The following ZKSCAN8 variants were observed in gnomAD, a reference collection of about 807,000 sequenced individuals.
ZKSCAN8 encodes the protein zinc finger with KRAB and SCAN domains 8.
In ZKSCAN8, 27 loss-of-function variants were observed where a neutral mutation model predicts 57.2. The observed-to-expected ratio is 0.47, with a 90% confidence interval of 0.35 to 0.65. ZKSCAN8 has a LOEUF of 0.65. Ranked by LOEUF, ZKSCAN8 falls within the 30% of genes least tolerant of loss-of-function variation. The pLI is 0.01. For missense variants in ZKSCAN8, 597 were observed against 696.3 expected, an observed-to-expected ratio of 0.86 and a Z score of 1.60; for synonymous variants, 214 against 248.7, an observed-to-expected ratio of 0.86 and a Z score of 1.31.
chr6:28,158,231 A>C lies in ZKSCAN8; in HGVS notation c.*4214A>C, dbSNP rs568353257. The C allele has an allele frequency of 2.7e-5, 4 of 148,870 alleles. No homozygotes were observed. The highest frequency in any genetic ancestry group is 6.0e-5 in the Non-Finnish European group (4 of 67,056). The allele number at this position is 148,870 out of a possible 1,614,324, so 9.2% of individuals were successfully genotyped here. A position where few individuals can be genotyped will look rare whatever the true frequency, so the allele number is the denominator to read the frequency against. The stretch of plus-strand genomic sequence containing the variant: ...ATATCTGTCTTTCTTTTTTTAGTTG[A>C]TCTTTCCACCCACTCCCCTTTCTCC... On this transcript the variant is annotated 3_prime_UTR_variant, in exon 6 of 6. Transcript: ENST00000330236.
intron 1 of ZKSCAN8, among the ~76,000 whole-genome samples, chr6:28,146,139 C>A (rs568844546): frequency 1.7e-4 from 26 of 152,300 alleles, no homozygotes; most frequent in African/African-American, 5.3e-4. Flanking sequence ...GGTCTTGTTT[C>A]TAAATCTCAC....
rs1765756550 is a variant in ZKSCAN8, at chr6:28,155,570, C to T, written c.*1553C>T. 1 of 152,012 alleles carries T rather than the reference C, an allele frequency of 6.6e-6. No homozygotes were observed. The highest frequency in any genetic ancestry group is 6.5e-5 in the Admixed American group (1 of 15,276). The allele number at this position is 152,012 out of a possible 1,614,324, so 9.4% of individuals were successfully genotyped here. On this transcript the variant is annotated 3_prime_UTR_variant, in exon 6 of 6. Transcript: ENST00000330236. ...TTGGAATTGAGAAATTTTGGGCTTT[C>T]CAAAATTAACCTTTAAACTTAAAAT...
chr6:28,149,595 C>T lies in ZKSCAN8; in HGVS notation c.530C>T (p.Ser177Phe), dbSNP rs1765525548. 1 of 1,613,904 alleles carries T rather than the reference C, an allele frequency of 6.2e-7. No homozygotes were observed. Among genetic ancestry groups the T allele is most frequent in the African/African-American group, 1.3e-5 (1 of 74,860 alleles). The stretch of plus-strand genomic sequence containing the variant: ...CAATCTGAGGCAACCCAACATAAAT[C>T]TCCAGTGCCCCAAGAGTCACAAGAG... Reference protein sequence around the residue: ...QLQSEATQHKSPVPQESQERA... With the variant: ...QLQSEATQHKFPVPQESQERA... Residue 177 changes from serine to phenylalanine, a missense_variant, in exon 3 of 6, where the codon TCT becomes TTT. By Grantham distance (155) the Ser-to-Phe change is radical (BLOSUM62 -2). Coordinates refer to ENST00000330236, the MANE Select transcript of ZKSCAN8 (RefSeq NM_006298.4).
chr6:28,149,436 C>T (rs775995186), intron 2 of ZKSCAN8, 47 bp from the exon 3 acceptor site: 2 of 1,607,332 alleles, frequency 1.2e-6, no homozygotes, highest in Non-Finnish European at 8.5e-7. Flanking sequence ...TTGTTCATTA[C>T]ATTTCGCAAA....
rs1438108322 is a variant in ZKSCAN8 at position 28,153,734 on chromosome 6, C to A, written c.1454C>A (p.Thr485Asn). The A allele has an allele frequency of 1.2e-6, 2 of 1,613,808 alleles. No homozygotes were observed. The highest frequency in any genetic ancestry group is 1.1e-5 in the South Asian group (1 of 91,070). The change falls in exon 6 of 6, where the codon ACT (threonine) becomes AAT (asparagine). Residue 485 changes from threonine to asparagine, a missense_variant. Physicochemically the swap from Thr to Asn is moderately conservative, Grantham distance 65 (BLOSUM62 0). Coordinates refer to ENST00000330236, the MANE Select transcript of ZKSCAN8 (RefSeq NM_006298.4). ...CTTATTGGTCATCAGAGGAGCCACA[C>A]TGGGGAGAAACCCTACAAATGCAAT... ...SHLIGHQRSH[T>N]GEKPYKCNEC...
intron 3 of ZKSCAN8, among the ~76,000 whole-genome samples, chr6:28,151,004 C>T (rs1054805733): frequency 4.6e-5 from 7 of 152,074 alleles, no homozygotes; most frequent in Non-Finnish European, 1.5e-5. Context: ...CGAGGTTTCA[C>T]TGTGTTGGCC....
At chr6:28,152,568 C>T (rs369436364) in intron 5 of ZKSCAN8, among the ~76,000 whole-genome samples, 184 bp downstream of exon 5, 1 of 140,166 alleles carries the variant, frequency 7.1e-6, no homozygotes, top group Non-Finnish European at 1.6e-5. Flanking sequence ...CCAGAACTTC[C>T]TTACATTTTG....
Position 28,157,962 on chromosome 6 carries a change from C to T in ZKSCAN8, c.*3945C>T, listed in dbSNP as rs1765837315. 3 of 152,076 alleles carry T rather than the reference C, an allele frequency of 2.0e-5. 1 individual carries two copies. The South Asian group carries it at 6.2e-4, about 32-fold the overall frequency. 9.4% of individuals were successfully genotyped at this position (152,076 alleles called of 1,614,324 possible). On this transcript the variant is annotated 3_prime_UTR_variant, in exon 6 of 6. Transcript: ENST00000330236. ...CATTTCCAACTACCATTCTGTTTCT[C>T]CTCTATTGTTCATGGTTTTTCAAAC...
chr6:28,149,700 C>G, intron 3 of ZKSCAN8, 76 bp downstream of exon 3: 1 of 1,544,170 alleles, frequency 6.5e-7, no homozygotes, highest in East Asian at 2.3e-5. Context: ...TATCTAGTTC[C>G]TGAAGAACCA....
rs1327285131 is a variant in ZKSCAN8, at chr6:28,144,338, A to G, written c.-93+2309A>G. 2.6e-5 allele frequency: 4 copies of G among 152,286 alleles called. No individual in the cohort carries two copies. The highest frequency in any genetic ancestry group is 9.7e-5 in the African/African-American group (4 of 41,428). 9.4% of individuals were successfully genotyped at this position (152,286 alleles called of 1,614,324 possible). ...GTTCTGTGTTTTCTTTAGGTTGAAG[A>G]GTCTATAAACCAACCCCCCTCGCCC... On this transcript the variant is annotated intron_variant, in intron 1 of 5. Coordinates refer to ENST00000330236, the MANE Select transcript of ZKSCAN8 (RefSeq NM_006298.4). This position sits in a 1 kb window ranked among gnomAD's most constrained non-coding sequence, Gnocchi z 4.5.
At position 28,144,685 on chromosome 6, in the gene ZKSCAN8, T is replaced by G. The variant is rs1221247211; in HGVS notation, c.-93+2656T>G. Among the ~76,000 whole-genome samples, 1 of 152,192 alleles carries G rather than the reference T, an allele frequency of 6.6e-6. No individual in the cohort carries two copies. The highest frequency in any genetic ancestry group is 1.5e-5 in the Non-Finnish European group (1 of 68,026). On this transcript the variant is annotated intron_variant, in intron 1 of 5. Transcript: ENST00000330236. The surrounding 1 kb of genome is among the most constrained non-coding windows in gnomAD (Gnocchi z 4.5). ...ATATTTGGACCATGTTAAAAATGCTTTGGTAGGAATGACAAATGGCAGGGG... is the reference window on the plus strand; with the variant it reads ...ATATTTGGACCATGTTAAAAATGCTGTGGTAGGAATGACAAATGGCAGGGG...
rs1233555061 is a variant in ZKSCAN8 at position 28,144,652 on chromosome 6, T to C, written c.-93+2623T>C. 6.6e-6 allele frequency among the ~76,000 whole-genome samples: 1 copy of C among 152,242 alleles called. No individual in the cohort carries two copies. Among genetic ancestry groups the C allele is most frequent in the Non-Finnish European group, 1.5e-5 (1 of 68,046 alleles). On this transcript the variant is annotated intron_variant, in intron 1 of 5. Transcript: ENST00000330236. This position sits in a 1 kb window ranked among gnomAD's most constrained non-coding sequence, Gnocchi z 4.5. ...CCATGGCCACATTCTCACAATGTGATAAGTCCTATATTTGGACCATGTTAA... is the reference window on the plus strand; with the variant it reads ...CCATGGCCACATTCTCACAATGTGACAAGTCCTATATTTGGACCATGTTAA...
chr6:28,153,549 G>T lies in ZKSCAN8; in HGVS notation c.1269G>T (p.Leu423=). Residue 423 remains leucine, a synonymous_variant, in exon 6 of 6, where the codon CTG becomes CTT. Coordinates refer to ENST00000330236, the MANE Select transcript of ZKSCAN8 (RefSeq NM_006298.4). The part of the protein sequence containing the change: ...KAFSQSAGLI[L]HQRIHSGERP... ...TCAGTCAGAGTGCGGGCCTTATTCT[G>T]CACCAGAGAATCCACAGTGGAGAGA... The T allele has an allele frequency of 6.2e-7, 1 of 1,613,556 alleles. No homozygotes were observed. The highest frequency in any genetic ancestry group is 8.5e-7 in the Non-Finnish European group (1 of 1,179,896).
At position 28,156,179 on chromosome 6, in the gene ZKSCAN8, A is replaced by C. The variant is rs1023888885; in HGVS notation, c.*2162A>C. 7.5e-6 allele frequency: 3 copies of C among 398,304 alleles called. No individual in the cohort carries two copies. Among genetic ancestry groups the C allele is most frequent in the African/African-American group, 6.2e-5 (3 of 48,606 alleles). 24.7% of individuals were successfully genotyped at this position (398,304 alleles called of 1,614,324 possible). A position where few individuals can be genotyped will look rare whatever the true frequency, so the allele number is the denominator to read the frequency against. ...TGTATGTACACATGTGTATGTACACACACACACACACCTGCCATACACTTT... is the reference window on the plus strand; with the variant it reads ...TGTATGTACACATGTGTATGTACACCCACACACACACCTGCCATACACTTT... On this transcript the variant is annotated 3_prime_UTR_variant, in exon 6 of 6. Transcript: ENST00000330236.
Position 28,154,080 on chromosome 6 carries a change from G to A in ZKSCAN8, c.*63G>A, listed in dbSNP as rs1054846732. Reference sequence around the variant, plus strand: ...TAGGGAAACCACACACTGGTGAGAGGTCTTTCAGTGTACTAAAAGGCAGAA... The same window carrying A: ...TAGGGAAACCACACACTGGTGAGAGATCTTTCAGTGTACTAAAAGGCAGAA... On this transcript the variant is annotated 3_prime_UTR_variant, in exon 6 of 6. Transcript: ENST00000330236. 1 of 1,510,830 alleles carries A rather than the reference G, an allele frequency of 6.6e-7. No individual in the cohort carries two copies. Among genetic ancestry groups the A allele is most frequent in the African/African-American group, 1.4e-5 (1 of 71,780 alleles). The allele number at this position is 1,510,830 out of a possible 1,614,324, so 93.6% of individuals were successfully genotyped here. A position where few individuals can be genotyped will look rare whatever the true frequency, so the allele number is the denominator to read the frequency against.
At chr6:28,142,355 T>C (rs1472404578) in intron 1 of ZKSCAN8, 1 of 152,162 alleles carries the variant, frequency 6.6e-6, no homozygotes, top group African/African-American at 2.4e-5. Flanking sequence ...GTCTGAATTG[T>C]TTTCACTTAG....
Position 28,148,879 on chromosome 6 carries a change from G to C in ZKSCAN8, c.417+55G>C, listed in dbSNP as rs1353890468. 3.9e-6 allele frequency: 6 copies of C among 1,554,658 alleles called. No individual in the cohort carries two copies. The African/African-American group carries it at 5.5e-5, about 14-fold the overall frequency. ...CTGTGGGAGTCCTGGAAGCTTGGTA[G>C]AGGGACATAGGCATCACAGTGGGAG... On this transcript the variant is annotated intron_variant, in intron 2 of 5. Transcript: ENST00000330236.
rs1401689979 is a variant in ZKSCAN8, at chr6:28,157,824, A to C, written c.*3807A>C. 1 of 152,248 alleles carries C rather than the reference A, an allele frequency of 6.6e-6. No homozygotes were observed. Among genetic ancestry groups the C allele is most frequent in the Non-Finnish European group, 1.5e-5 (1 of 68,040 alleles). 9.4% of individuals were successfully genotyped at this position (152,248 alleles called of 1,614,324 possible). On this transcript the variant is annotated 3_prime_UTR_variant, in exon 6 of 6. Coordinates refer to ENST00000330236, the MANE Select transcript of ZKSCAN8 (RefSeq NM_006298.4). ...TCCAAACTGCCAAAGGGAAAGTAGA[A>C]TTGTGGAGGGAAATGAAATATCCAT... is the stretch of plus-strand genomic sequence containing the variant.
intron 4 of ZKSCAN8, 48 bp from the exon 5 acceptor site, chr6:28,152,213 G>A: frequency 6.4e-7 from 1 of 1,568,746 alleles, no homozygotes; most frequent in Non-Finnish European, 8.6e-7. Flanking sequence ...ATAGGTTTGA[G>A]CTGTGGAACA....
Sources: allele counts gnomAD v4.1 joint callset (sites outside exome capture counted in the v4.1 genomes callset), GRCh38; gene constraint gnomAD v4.1.1; non-coding constraint Gnocchi (gnomAD v3.1); transcripts MANE v1.5; gene names NCBI Gene and HGNC (gene_info 2026-07-23, HGNC 2026-07-21).